The following KCNIP4 variants were observed in gnomAD, a reference collection of about 807,000 sequenced individuals.
KCNIP4 encodes potassium voltage-gated channel interacting protein 4, also known as Kv channel-interacting protein 4.
KCNIP4 carries 12 observed loss-of-function variants against 34.0 expected under a neutral mutation model. That is an observed-to-expected ratio of 0.35 (90% confidence interval 0.23 to 0.57). The LOEUF (loss-of-function observed/expected upper bound fraction) is 0.57, where lower values mean the gene tolerates loss of function less well. Ranked by LOEUF, KCNIP4 falls within the 20% of genes least tolerant of loss-of-function variation. KCNIP4 has a pLI of 0.83. For missense variants in KCNIP4, 238 were observed against 311.7 expected (o/e 0.76, Z 1.78); for synonymous variants, 124 against 102.2 (o/e 1.21, Z -1.29).
intron 1 of KCNIP4, among the ~76,000 whole-genome samples, chr4:21,657,788 C>T (rs1307071651): frequency 6.6e-6 from 1 of 151,894 alleles, no homozygotes; most frequent in Admixed American, 6.6e-5. Context: ...ATTTGATGTT[C>T]AATGAGTCTG....
At position 20,890,934 on chromosome 4, in the gene KCNIP4, T is replaced by C. The variant is rs28635871; in HGVS notation, c.62-8225A>G. Among the ~76,000 whole-genome samples, 998 of 152,310 alleles carry C rather than the reference T, an allele frequency of 6.6e-3. 8 individuals carry two copies. Among genetic ancestry groups the C allele is most frequent in the African/African-American group, 0.023 (945 of 41,566 alleles). On this transcript the variant is annotated intron_variant, in intron 1 of 8. Transcript: ENST00000382152. ...GCATATGCAAGTGGTCATTCTCCAC[T>C]GGCTGCTTTTTGTGTTACACAGGAA...
intron 1 of KCNIP4, among the ~76,000 whole-genome samples, chr4:21,728,845 T>G (rs753756339): frequency 8.5e-5 from 13 of 152,102 alleles, no homozygotes; most frequent in Non-Finnish European, 1.6e-4. Context: ...AAGATTCAAC[T>G]TTTCAATGAG....
intron 1 of KCNIP4, among the ~76,000 whole-genome samples, chr4:21,409,816 G>A (rs1378595194): frequency 2.6e-5 from 4 of 152,132 alleles, no homozygotes; most frequent in African/African-American, 9.7e-5. Context: ...AGAGATATGA[G>A]TCAACTTTTC....
chr4:21,612,939 C>G (rs1744274932), intron 1 of KCNIP4, among the ~76,000 whole-genome samples: 1 of 152,090 alleles, frequency 6.6e-6, no homozygotes, highest in Admixed American at 6.5e-5. Context: ...TAATATCATT[C>G]TTAGTTTTAA....
intron 1 of KCNIP4, among the ~76,000 whole-genome samples, chr4:20,903,186 A>C (rs1491356): frequency 1.3e-5 from 2 of 152,016 alleles, no homozygotes; most frequent in Non-Finnish European, 2.9e-5. Context: ...ACTGCAAACT[A>C]TCAAAGGCAT....
intron 1 of KCNIP4, among the ~76,000 whole-genome samples, chr4:20,912,087 TTCATAA>T (rs765157083): frequency 1.3e-5 from 2 of 152,234 alleles, no homozygotes; most frequent in Non-Finnish European, 2.9e-5. Context: ...AAGTAAGGCC[TTCATAA>T]TCTTGCACTA....
chr4:21,826,700 C>T (rs762204608), intron 1 of KCNIP4, among the ~76,000 whole-genome samples: 47 of 152,128 alleles, frequency 3.1e-4, no homozygotes, highest in African/African-American at 1.0e-3. Flanking sequence ...AATTACTCTC[C>T]TAAAACCCAA....
chr4:21,297,116 A>G (rs1763888298), intron 1 of KCNIP4, among the ~76,000 whole-genome samples: 1 of 150,958 alleles, frequency 6.6e-6, no homozygotes, highest in Admixed American at 6.6e-5. Context: ...ATATATATAT[A>G]TATATATTTG....
chr4:21,655,194 A>C (rs1486941482), intron 1 of KCNIP4, among the ~76,000 whole-genome samples: 1 of 152,158 alleles, frequency 6.6e-6, no homozygotes, highest in African/African-American at 2.4e-5. Context: ...TCTTTTGCAT[A>C]ATGAAATTCC....
chr4:21,722,617 A>G (rs1714896648), intron 1 of KCNIP4, among the ~76,000 whole-genome samples: 1 of 152,150 alleles, frequency 6.6e-6, no homozygotes, highest in Non-Finnish European at 1.5e-5. Context: ...AGAATTTTCA[A>G]TTGAGAAGAG....
chr4:20,755,853 G>A (rs1754374972), intron 4 of KCNIP4, among the ~76,000 whole-genome samples: 1 of 152,134 alleles, frequency 6.6e-6, no homozygotes, highest in African/African-American at 2.4e-5. Context: ...TGGTGTGCTG[G>A]TGGGATGGCA....
chr4:21,461,979 G>C (rs1333072489), intron 1 of KCNIP4, among the ~76,000 whole-genome samples: 1 of 151,790 alleles, frequency 6.6e-6, no homozygotes, highest in Non-Finnish European at 1.5e-5. Flanking sequence ...TGTATATAAT[G>C]CATGATGATC....
chr4:21,219,521 A>G (rs1204345512), intron 1 of KCNIP4, among the ~76,000 whole-genome samples: 1 of 152,234 alleles, frequency 6.6e-6, no homozygotes, highest in African/African-American at 2.4e-5. Flanking sequence ...GCAAAGTAAG[A>G]GGTCAAATAG....
At chr4:20,798,652 G>A (rs1713820002) in intron 3 of KCNIP4, among the ~76,000 whole-genome samples, 1 of 152,080 alleles carries the variant, frequency 6.6e-6, no homozygotes, top group Non-Finnish European at 1.5e-5. Context: ...AGAAACCCAG[G>A]ATGGCTGCAT....
intron 1 of KCNIP4, among the ~76,000 whole-genome samples, chr4:21,238,231 A>G (rs911355366): frequency 1.3e-5 from 2 of 152,188 alleles, no homozygotes; most frequent in African/African-American, 2.4e-5. Context: ...GATGTATCTC[A>G]AAATAATAAG....
intron 1 of KCNIP4, among the ~76,000 whole-genome samples, chr4:21,685,539 T>C (rs1158046916): frequency 2.0e-5 from 3 of 152,276 alleles, no homozygotes; most frequent in Admixed American, 1.3e-4. Context: ...GAGAGCAATG[T>C]GCTTGTGGAA....
chr4:21,569,765 A>AG (rs1484878041), intron 1 of KCNIP4, among the ~76,000 whole-genome samples: 20 of 152,112 alleles, frequency 1.3e-4, no homozygotes. Flanking sequence ...AGCTTTAGGA[A>AG]GTTGCTACCA....
chr4:21,204,839 G>A (rs1756734535), intron 1 of KCNIP4, among the ~76,000 whole-genome samples: 1 of 152,198 alleles, frequency 6.6e-6, no homozygotes, highest in Non-Finnish European at 1.5e-5. Context: ...TAAGGATGTA[G>A]AAATGTTCCC....
intron 1 of KCNIP4, among the ~76,000 whole-genome samples, chr4:21,779,465 C>T (rs376644245): frequency 5.9e-5 from 9 of 152,082 alleles, no homozygotes; most frequent in African/African-American, 2.2e-4. Context: ...AAGTATGTAA[C>T]GTATTGGATG....
Sources: allele counts gnomAD v4.1 joint callset (sites outside exome capture counted in the v4.1 genomes callset), GRCh38; gene constraint gnomAD v4.1.1; transcripts MANE v1.5; gene names NCBI Gene and HGNC (gene_info 2026-07-23, HGNC 2026-07-21).